The following PCDH15 variants were observed in gnomAD, a reference collection of about 807,000 sequenced individuals.
PCDH15 encodes the protein protocadherin-15.
PCDH15 carries 129 observed loss-of-function variants against 178.5 expected under a neutral mutation model. The observed-to-expected ratio is 0.72, with a 90% CI of 0.63 to 0.84. The LOEUF is 0.84. Ranked by LOEUF, PCDH15 falls within the 40% of genes least tolerant of loss-of-function variation. The pLI is 0.00. For synonymous variants in PCDH15, 800 were observed against 732.0 expected (o/e 1.09, Z -1.50); for missense variants, 2,230 against 2,099.9 (o/e 1.06, Z -1.21).
At chr10:55,480,932 C>G (rs925744562) in intron 2 of PCDH15, among the ~76,000 whole-genome samples, 31 of 151,422 alleles carry the variant, frequency 2.0e-4, no homozygotes, top group African/African-American at 6.8e-4. Context: ...TCTTAGTACA[C>G]CTGGTAGAAT....
chr10:54,921,516 T>C (rs1837487014), intron 2 of PCDH15, among the ~76,000 whole-genome samples: 1 of 152,088 alleles, frequency 6.6e-6, no homozygotes, highest in African/African-American at 2.4e-5. Flanking sequence ...CAAGTGTCTG[T>C]TGTTCCCCTC....
chr10:55,250,466 A>G (rs2132222824), intron 1 of PCDH15, among the ~76,000 whole-genome samples: 1 of 149,592 alleles, frequency 6.7e-6, no homozygotes, highest in East Asian at 2.0e-4. Flanking sequence ...TTTTTAAAAT[A>G]TCAGTCAGAC....
At chr10:55,600,312 G>A (rs897400419) in intron 2 of PCDH15, among the ~76,000 whole-genome samples, 16 of 151,654 alleles carry the variant, frequency 1.1e-4, no homozygotes, top group Non-Finnish European at 1.6e-4. Context: ...TGCAGTGAGC[G>A]GAGATGGTGC....
intron 2 of PCDH15, among the ~76,000 whole-genome samples, chr10:55,351,487 C>T (rs906924555): frequency 6.6e-6 from 1 of 152,040 alleles, no homozygotes; most frequent in Non-Finnish European, 1.5e-5. Flanking sequence ...GAACATAAAA[C>T]AATAATAAAT....
At chr10:54,152,106 G>A (rs1264652551) in intron 14 of PCDH15, among the ~76,000 whole-genome samples, 1 of 152,156 alleles carries the variant, frequency 6.6e-6, no homozygotes, top group Non-Finnish European at 1.5e-5. Context: ...TATTTGACTG[G>A]AAAGAACTAT....
intron 18 of PCDH15, among the ~76,000 whole-genome samples, chr10:54,060,311 T>C (rs2093986735): frequency 6.6e-6 from 1 of 152,166 alleles, no homozygotes; most frequent in Admixed American, 6.5e-5. Context: ...AGTACTTCCA[T>C]TAAAATGTTC....
At chr10:54,059,814 G>T (rs2093977352) in intron 18 of PCDH15, among the ~76,000 whole-genome samples, 3 of 152,134 alleles carry the variant, frequency 2.0e-5, no homozygotes, top group Admixed American at 1.3e-4. Flanking sequence ...ATAGTAGAGT[G>T]GTTAAGACCA....
intron 3 of PCDH15, among the ~76,000 whole-genome samples, chr10:54,850,344 T>C (rs1953595318): frequency 6.6e-6 from 1 of 152,076 alleles, no homozygotes; most frequent in African/African-American, 2.4e-5. Context: ...GTTACACGAG[T>C]AAGTTTCTTA....
At chr10:55,277,123 G>T (rs1230853627) in intron 1 of PCDH15, among the ~76,000 whole-genome samples, 1 of 151,958 alleles carries the variant, frequency 6.6e-6, no homozygotes, top group Non-Finnish European at 1.5e-5. Flanking sequence ...GTCATTGAGA[G>T]TATCTAATCT....
At chr10:54,269,665 G>A (rs1307760102) in intron 8 of PCDH15, among the ~76,000 whole-genome samples, 2 of 151,920 alleles carry the variant, frequency 1.3e-5, no homozygotes, top group African/African-American at 4.8e-5. Context: ...TTTGATGATT[G>A]TGATTAAAGA....
At chr10:55,099,962 C>T (rs1468627942) in intron 2 of PCDH15, among the ~76,000 whole-genome samples, 2 of 151,982 alleles carry the variant, frequency 1.3e-5, no homozygotes, top group Non-Finnish European at 2.9e-5. Flanking sequence ...AAAGTATAAT[C>T]CTCAATTTAC....
intron 18 of PCDH15, among the ~76,000 whole-genome samples, chr10:54,037,405 C>T (rs905878551): frequency 1.3e-5 from 2 of 151,854 alleles, no homozygotes; most frequent in African/African-American, 4.8e-5. Context: ...CAACCACCCT[C>T]CTAATCAGTG....
intron 25 of PCDH15, among the ~76,000 whole-genome samples, chr10:53,904,684 C>A (rs1435521944): frequency 6.6e-6 from 1 of 152,164 alleles, no homozygotes; most frequent in Non-Finnish European, 1.5e-5. Context: ...CTCTATCCTG[C>A]AGTGCCAGGG....
intron 28 of PCDH15, among the ~76,000 whole-genome samples, chr10:53,842,377 C>T (rs1175260451): frequency 6.6e-6 from 1 of 152,210 alleles, no homozygotes; most frequent in East Asian, 1.9e-4. Context: ...CTGTCTCACG[C>T]CTGGATTACA....
intron 26 of PCDH15, among the ~76,000 whole-genome samples, chr10:53,873,163 T>A (rs2079992493): frequency 6.6e-6 from 1 of 152,156 alleles, no homozygotes; most frequent in Non-Finnish European, 1.5e-5. Context: ...CCTCAGAAAA[T>A]TTTTATAGAA....
chr10:55,402,977 G>A (rs1007662635), intron 2 of PCDH15, among the ~76,000 whole-genome samples: 3 of 151,790 alleles, frequency 2.0e-5, no homozygotes, highest in Non-Finnish European at 4.4e-5. Flanking sequence ...CCTTGCCAGC[G>A]TTTGTTATTT....
chr10:53,888,697 ATATATATC>A (rs1475009297), intron 26 of PCDH15, among the ~76,000 whole-genome samples: 1 of 52,030 alleles, frequency 1.9e-5, no homozygotes, highest in Non-Finnish European at 3.9e-5. Flanking sequence ...ATATATATAT[ATATATATC>A]TCCTGTGGAA....
intron 3 of PCDH15, among the ~76,000 whole-genome samples, chr10:54,388,222 C>T (rs1203801691): frequency 6.6e-6 from 1 of 152,158 alleles, no homozygotes; most frequent in Non-Finnish European, 1.5e-5. Flanking sequence ...AAACGTTCAT[C>T]AGCATGAAGG....
In PCDH15 at chr10:55,048,384, AC is replaced by A. The variant is rs202134629; in HGVS notation, c.-80+118191del. On this transcript the variant is annotated intron_variant, in intron 2 of 5. Transcript: ENST00000458638. ...ACCTGAGTTTTGTTCAATAGAAAAAACTATCCAAGGCCAGTAAATAAGAAAG... is the reference window on the plus strand; with the variant it reads ...ACCTGAGTTTTGTTCAATAGAAAAAATATCCAAGGCCAGTAAATAAGAAAG... Among the ~76,000 whole-genome samples the A allele has an allele frequency of 3.1e-3, 473 of 152,042 alleles. 7 individuals carry two copies. The highest frequency in any genetic ancestry group is 0.011 in the African/African-American group (437 of 41,552).
Sources: gnomAD v4.1 joint callset for allele counts (sites outside exome capture counted in the v4.1 genomes callset) on GRCh38, gnomAD v4.1.1 for gene constraint, MANE v1.5 for transcripts, NCBI Gene and HGNC (gene_info 2026-07-23, HGNC 2026-07-21) for gene names.